PLEKHA7: variants seen among roughly 807,000 people sequenced by gnomAD.
PLEKHA7 encodes the protein pleckstrin homology domain-containing family A member 7.
Under a neutral mutation model 170.0 loss-of-function variants are expected in PLEKHA7, and 104 were observed. That is an observed-to-expected ratio of 0.61 (90% CI 0.52 to 0.72). The LOEUF (loss-of-function observed/expected upper bound fraction) is 0.72. Among genes scored for constraint, PLEKHA7 ranks in the 30% least tolerant of loss-of-function variants. The pLI is 0.00. For missense variants in PLEKHA7, 1,615 were observed against 1,671.7 expected, an observed-to-expected ratio of 0.97 and a Z score of 0.59; for synonymous variants, 648 against 660.8, an observed-to-expected ratio of 0.98 and a Z score of 0.30.
chr11:16,954,881 G>T (rs1001640055), intron 3 of PLEKHA7, among the ~76,000 whole-genome samples: 1 of 151,890 alleles, frequency 6.6e-6, no homozygotes, highest in East Asian at 1.9e-4. Flanking sequence ...TATTAGAGAC[G>T]GGGTTTCACT....
At chr11:16,987,144 G>A (rs1863779465) in intron 3 of PLEKHA7, among the ~76,000 whole-genome samples, 1 of 152,164 alleles carries the variant, frequency 6.6e-6, no homozygotes, top group Non-Finnish European at 1.5e-5. Flanking sequence ...GAGAAAGAAT[G>A]TGTGGGCTGT....
intron 3 of PLEKHA7, chr11:16,974,636 T>TG: frequency 6.8e-6 from 2 of 295,412 alleles, no homozygotes; most frequent in Non-Finnish European, 8.6e-6. Flanking sequence ...GTTTTTTTTT[T>TG]TTTTTTTTTT....
intron 6 of PLEKHA7, among the ~76,000 whole-genome samples, chr11:16,853,812 C>T (rs939623803): frequency 2.6e-5 from 4 of 152,080 alleles, no homozygotes; most frequent in Non-Finnish European, 4.4e-5. Flanking sequence ...CAGAAGAGGC[C>T]GGGAGCTGTT....
In PLEKHA7 at chr11:16,786,868, A is replaced by G. The variant is rs1320768841; in HGVS notation, c.3358-481T>C. On this transcript the variant is annotated intron_variant, in intron 23 of 26. Transcript: ENST00000531066. Reference sequence around the variant, plus strand: ...TATTGGGAATTTTCAACAAGATAACATTCGTAGGTGGGGGATCTCGCACTT... The same window carrying G: ...TATTGGGAATTTTCAACAAGATAACGTTCGTAGGTGGGGGATCTCGCACTT... 31 of 985,296 alleles carry G rather than the reference A, an allele frequency of 3.1e-5. No individual in the cohort carries two copies. The South Asian group carries it at 1.1e-3, about 36-fold the overall frequency. 61.0% of individuals were successfully genotyped at this position (985,296 alleles called of 1,614,324 possible). A position where few individuals can be genotyped will look rare whatever the true frequency, so the allele number is the denominator to read the frequency against.
chr11:16,960,950 G>A (rs1240653512), intron 3 of PLEKHA7, among the ~76,000 whole-genome samples: 6 of 151,946 alleles, frequency 3.9e-5, no homozygotes, highest in East Asian at 1.9e-4. Flanking sequence ...TTCCAGCTTC[G>A]TTTCACCACG....
intron 3 of PLEKHA7, among the ~76,000 whole-genome samples, chr11:16,905,867 A>G (rs1857625006): frequency 6.6e-6 from 1 of 152,208 alleles, no homozygotes; most frequent in Admixed American, 6.5e-5. Flanking sequence ...AATCACCTCC[A>G]CTTTACAGCT....
intron 9 of PLEKHA7, among the ~76,000 whole-genome samples, chr11:16,839,546 C>A (rs1851792259): frequency 2.0e-5 from 3 of 151,378 alleles, no homozygotes; most frequent in African/African-American, 7.3e-5. Flanking sequence ...TGGATTCAAC[C>A]AACCACAAAT....
chr11:16,913,212 G>A (rs1282025545), intron 3 of PLEKHA7, among the ~76,000 whole-genome samples: 2 of 152,126 alleles, frequency 1.3e-5, no homozygotes, highest in Non-Finnish European at 2.9e-5. Context: ...AATTGGGGCT[G>A]AAATGCAATT....
In PLEKHA7 at chr11:16,817,011, C is replaced by T. The variant is rs779360591; in HGVS notation, c.1655G>A (p.Gly552Asp). ...CACCTCTAGCATGCTCCTGCTCCGG[C>T]CCTGGTCGGTGAACTCTGGGGAGCC... ...CLGSPEFTDQ[G>D]RSRSMLEVPR... The change falls in exon 11 of 27, where the codon GGC becomes GAC. Residue 552 changes from glycine to aspartate, a missense_variant. Coordinates refer to ENST00000531066, the MANE Select transcript of PLEKHA7 (RefSeq NM_001329630.2). The surrounding 1 kb of genome is among the most constrained non-coding windows in gnomAD (Gnocchi z 4.4). The T allele has an allele frequency of 1.2e-6, 2 of 1,603,096 alleles. No individual in the cohort carries two copies. Among genetic ancestry groups the T allele is most frequent in the Non-Finnish European group, 1.7e-6 (2 of 1,173,730 alleles).
intron 3 of PLEKHA7, among the ~76,000 whole-genome samples, chr11:16,980,385 G>C (rs1048681011): frequency 6.6e-6 from 1 of 152,212 alleles, no homozygotes; most frequent in African/African-American, 2.4e-5. Context: ...GAGAGAGCCT[G>C]GCAAGTGGGC....
chr11:16,889,419 AAATATAT>A lies in PLEKHA7; in HGVS notation c.222-18244_222-18238del, dbSNP rs1278978957. Among the ~76,000 whole-genome samples, 1,062 of 106,684 alleles carry A rather than the reference AAATATAT, an allele frequency of 1.0e-2. 10 individuals carry two copies. Among genetic ancestry groups the A allele is most frequent in the African/African-American group, 0.044 (1,020 of 23,310 alleles). The allele number at this position is 106,684 out of a possible 152,430, so 70.0% of individuals were successfully genotyped here. A position where few individuals can be genotyped will look rare whatever the true frequency, so the allele number is the denominator to read the frequency against. Reference sequence around the variant, plus strand: ...ATTGCTCAAAAAAAAAAAAAAAAAAAAATATATATATATATATATATATATATGAACT... The same window carrying A: ...ATTGCTCAAAAAAAAAAAAAAAAAAAATATATATATATATATATATGAACT... On this transcript the variant is annotated intron_variant, in intron 3 of 26. Transcript: ENST00000531066.
At chr11:16,925,877 G>A (rs1254675808) in intron 3 of PLEKHA7, among the ~76,000 whole-genome samples, 2 of 152,252 alleles carry the variant, frequency 1.3e-5, no homozygotes, top group Non-Finnish European at 2.9e-5. Context: ...TTTCCTCGTA[G>A]AGGATGCTGC....
chr11:16,961,836 G>A (rs948504641), intron 3 of PLEKHA7, among the ~76,000 whole-genome samples: 1 of 152,178 alleles, frequency 6.6e-6, no homozygotes, highest in Non-Finnish European at 1.5e-5. Context: ...TCACTTCTCC[G>A]TGCTTCAGTT....
At chr11:16,826,098 C>T (rs777705052) in intron 10 of PLEKHA7, 22 bp downstream of exon 10, 17 of 1,599,456 alleles carry the variant, frequency 1.1e-5, no homozygotes, top group African/African-American at 4.0e-5. Context: ...TTATAAGCAG[C>T]GATCCTGAGT....
chr11:16,938,600 C>G (rs922660399), intron 3 of PLEKHA7, among the ~76,000 whole-genome samples: 2 of 152,016 alleles, frequency 1.3e-5, no homozygotes, highest in African/African-American at 4.8e-5. Flanking sequence ...CATAAAAATC[C>G]TTAATCAGAC....
chr11:16,952,790 C>T (rs999026781), intron 3 of PLEKHA7, among the ~76,000 whole-genome samples: 3 of 152,118 alleles, frequency 2.0e-5, no homozygotes, highest in African/African-American at 7.2e-5. Context: ...TCACAAAGTT[C>T]CAGGTTACAG....
intron 25 of PLEKHA7, 116 bp from the exon 26 acceptor site, chr11:16,783,012 C>T: frequency 8.8e-7 from 1 of 1,131,198 alleles, no homozygotes; most frequent in East Asian, 2.6e-5. Context: ...CAGACAAAAA[C>T]TGTGGTACTT....
chr11:16,923,170 A>G (rs1003165332), intron 3 of PLEKHA7, among the ~76,000 whole-genome samples: 2 of 152,248 alleles, frequency 1.3e-5, no homozygotes, highest in Non-Finnish European at 2.9e-5. Context: ...GCCCCAGGCC[A>G]TCTTGGCTGG....
chr11:16,940,447 C>G (rs577018051), intron 3 of PLEKHA7, among the ~76,000 whole-genome samples: 2 of 152,140 alleles, frequency 1.3e-5, no homozygotes, highest in East Asian at 3.9e-4. Flanking sequence ...GCCACCATGC[C>G]TGGCTAATTT....
Sources: allele counts gnomAD v4.1 joint callset (sites outside exome capture counted in the v4.1 genomes callset), GRCh38; gene constraint gnomAD v4.1.1; non-coding constraint Gnocchi (gnomAD v3.1); transcripts MANE v1.5; gene names NCBI Gene and HGNC (gene_info 2026-07-23, HGNC 2026-07-21).